The following FERRY3 variants were observed in gnomAD, a reference collection of about 807,000 sequenced individuals.
The protein encoded by FERRY3 is protein C12orf4.
the FERRY3 span, among the ~76,000 whole-genome samples, chr12:4,518,585 C>T: frequency 9.9e-5 from 15 of 152,066 alleles, no homozygotes; most frequent in South Asian, 2.1e-4. Flanking sequence ...CGGTCAGGCA[C>T]GGTGACTCAT....
the FERRY3 span, among the ~76,000 whole-genome samples, chr12:4,494,625 C>T: frequency 1.2e-4 from 19 of 152,222 alleles, no homozygotes; most frequent in Admixed American, 1.2e-3. Flanking sequence ...TGCTGGAGAT[C>T]AAATGACCAT....
chr12:4,490,002 T>C, the FERRY3 span: 2 of 724,006 alleles, frequency 2.8e-6, no homozygotes, highest in Non-Finnish European at 2.2e-6. Context: ...ACTAGGAATA[T>C]GTGAGTGCAG....
the FERRY3 span, among the ~76,000 whole-genome samples, chr12:4,497,724 C>T: frequency 3.3e-5 from 5 of 152,126 alleles, no homozygotes; most frequent in Non-Finnish European, 5.9e-5. Flanking sequence ...AAAACTGATA[C>T]GTCTTTCTTC....
the FERRY3 span, among the ~76,000 whole-genome samples, chr12:4,527,646 T>A: frequency 6.6e-6 from 1 of 152,168 alleles, no homozygotes; most frequent in Non-Finnish European, 1.5e-5. Context: ...CAGACACTAG[T>A]GAATTTCAAC....
At chr12:4,517,042 A>G in the FERRY3 span, 1 of 1,512,812 alleles carries the variant, frequency 6.6e-7, no homozygotes, top group Non-Finnish European at 8.9e-7. Flanking sequence ...AGAATATAAT[A>G]AAAGTGAGTT....
the FERRY3 span, chr12:4,505,474 A>G: frequency 1.2e-6 from 1 of 824,098 alleles, no homozygotes; most frequent in East Asian, 2.5e-5. Flanking sequence ...AACAGCAAAA[A>G]TTCACTAAGG....
the FERRY3 span, among the ~76,000 whole-genome samples, chr12:4,523,506 A>G: frequency 6.6e-6 from 1 of 152,240 alleles, no homozygotes; most frequent in South Asian, 2.1e-4. Flanking sequence ...AGACACATGC[A>G]CATGTACGTT....
chr12:4,518,351 T>C, the FERRY3 span: 9,239 of 1,105,072 alleles, frequency 8.4e-3, 508 homozygotes, highest in African/African-American at 0.13. Flanking sequence ...TCCAGATAAA[T>C]CTGTACCACA....
the FERRY3 span, chr12:4,525,443 A>G: frequency 1.2e-6 from 2 of 1,601,284 alleles, no homozygotes; most frequent in South Asian, 2.3e-5. Flanking sequence ...AAACAAAAGA[A>G]AATGCAACTG....
the FERRY3 span, among the ~76,000 whole-genome samples, chr12:4,490,144 G>A: frequency 6.6e-6 from 1 of 152,114 alleles, no homozygotes; most frequent in Non-Finnish European, 1.5e-5. Flanking sequence ...AAAACCTCTA[G>A]ATAACACTAG....
chr12:4,500,859 G>C, the FERRY3 span, among the ~76,000 whole-genome samples: 1 of 152,266 alleles, frequency 6.6e-6, no homozygotes, highest in African/African-American at 2.4e-5. Flanking sequence ...CACCATGTTG[G>C]CTAGGATGGC....
the FERRY3 span, among the ~76,000 whole-genome samples, chr12:4,494,287 G>C: frequency 6.6e-6 from 1 of 151,912 alleles, no homozygotes; most frequent in African/African-American, 2.4e-5. Context: ...CCTGAGGCTT[G>C]AATTTTCATT....
the FERRY3 span, among the ~76,000 whole-genome samples, chr12:4,504,841 G>A: frequency 1.7e-4 from 26 of 152,244 alleles, no homozygotes; most frequent in East Asian, 4.8e-3. Flanking sequence ...GGTGGCTCAC[G>A]CTTGTAATCC....
the FERRY3 span, chr12:4,538,393 T>G: frequency 6.5e-6 from 1 of 154,672 alleles, no homozygotes; most frequent in African/African-American, 2.4e-5. Context: ...GCATCCTCAC[T>G]CGGTTCTGGG....
At chr12:4,519,615 G>A in the FERRY3 span, among the ~76,000 whole-genome samples, 23 of 152,200 alleles carry the variant, frequency 1.5e-4, no homozygotes, top group Admixed American at 2.6e-4. The surrounding 1 kb of genome is among the most constrained non-coding windows in gnomAD (Gnocchi z 4.3). Flanking sequence ...TAGTAAATAC[G>A]GTAAATTTAA....
the FERRY3 span, chr12:4,525,437 A>G: frequency 2.5e-6 from 4 of 1,601,240 alleles, no homozygotes; most frequent in African/African-American, 1.3e-5. Flanking sequence ...ACAAAAAAAC[A>G]AAAGAAAATG....
chr12:4,505,173 A>G, the FERRY3 span: 3 of 657,104 alleles, frequency 4.6e-6, no homozygotes, highest in South Asian at 1.7e-5. Flanking sequence ...ATATAGGTAC[A>G]AAGTGTTGTT....
At chr12:4,531,042 TAA>T in the FERRY3 span, among the ~76,000 whole-genome samples, 3 of 152,148 alleles carry the variant, frequency 2.0e-5, no homozygotes, top group Non-Finnish European at 4.4e-5. Flanking sequence ...TAATATGACT[TAA>T]GAGTAATAAT....
the FERRY3 span, among the ~76,000 whole-genome samples, chr12:4,495,556 G>C: frequency 6.6e-6 from 1 of 152,106 alleles, no homozygotes; most frequent in Non-Finnish European, 1.5e-5. Flanking sequence ...GGCTAGTTTT[G>C]AATACCCACA....
Sources: gnomAD v4.1 joint callset for allele counts (sites outside exome capture counted in the v4.1 genomes callset) on GRCh38, gnomAD v4.1.1 for gene constraint, Gnocchi (gnomAD v3.1) non-coding constraint, MANE v1.5 for transcripts, NCBI Gene and HGNC (gene_info 2026-07-23, HGNC 2026-07-21) for gene names.